Variants in PTPRD observed in about 807,000 individuals in gnomAD.
The protein encoded by PTPRD is receptor-type tyrosine-protein phosphatase delta.
A neutral mutation model predicts 214.5 loss-of-function variants in PTPRD; 34 were observed. The observed-to-expected ratio is 0.16, with a 90% CI of 0.12 to 0.21. The LOEUF (loss-of-function observed/expected upper bound fraction) is 0.21, where lower values mean the gene tolerates loss of function less well. PTPRD is among the 10% of genes least tolerant of loss of function. PTPRD has a pLI of 1.00. For synonymous variants in PTPRD, 1,128 were observed against 845.7 expected, an observed-to-expected ratio of 1.33 and a Z score of -5.79; for missense variants, 2,545 against 2,398.7, an observed-to-expected ratio of 1.06 and a Z score of -1.27.
intron 5 of PTPRD, among the ~76,000 whole-genome samples, chr9:9,813,203 A>G (rs187713577): frequency 6.6e-6 from 1 of 152,034 alleles, no homozygotes; most frequent in Non-Finnish European, 1.5e-5. Flanking sequence ...AATAATAAAG[A>G]TCTCAAATAA....
intron 12 of PTPRD, among the ~76,000 whole-genome samples, chr9:8,722,401 T>C (rs1011288749): frequency 4.6e-5 from 7 of 152,118 alleles, no homozygotes; most frequent in African/African-American, 1.7e-4. Flanking sequence ...AGAGAAAACA[T>C]TTAAGTTATG....
At position 9,613,164 on chromosome 9, in the gene PTPRD, A is replaced by G. The variant is rs1011551597; in HGVS notation, c.-286-38383T>C. ...TATATATATATATATATATATATAT[A>G]TATATATATGATTGCATCATATGAA... On this transcript the variant is annotated intron_variant, in intron 7 of 45. Coordinates refer to ENST00000381196, the MANE Select transcript of PTPRD (RefSeq NM_002839.4). Among the ~76,000 whole-genome samples the G allele has an allele frequency of 2.4e-5, 3 of 123,228 alleles. No individual in the cohort carries two copies. In the East Asian group the frequency reaches 7.0e-4, roughly 29 times the overall value. 80.8% of individuals were successfully genotyped at this position (123,228 alleles called of 152,430 possible). A position where few individuals can be genotyped will look rare whatever the true frequency, so the allele number is the denominator to read the frequency against.
chr9:10,506,526 T>A (rs985359858), intron 2 of PTPRD, among the ~76,000 whole-genome samples: 2 of 152,166 alleles, frequency 1.3e-5, no homozygotes, highest in Non-Finnish European at 2.9e-5. Context: ...AGGTGATTGG[T>A]ACCCCACTTA....
Position 10,041,548 on chromosome 9 carries a change from G to A in PTPRD, c.-544-7758C>T, listed in dbSNP as rs1281197735. 2.0e-5 allele frequency among the ~76,000 whole-genome samples: 3 copies of A among 151,576 alleles called. No individual in the cohort carries two copies. In the Admixed American group the frequency reaches 2.0e-4, roughly 10 times the overall value. On this transcript the variant is annotated intron_variant, in intron 3 of 45. Transcript: ENST00000381196. ...ATTTTCTACTGTATAAAATCAAGGA[G>A]TGGAGAAGGTGCAAAATCCTTCAAT...
chr9:10,185,616 A>G (rs2099326887), intron 3 of PTPRD, among the ~76,000 whole-genome samples: 1 of 152,166 alleles, frequency 6.6e-6, no homozygotes, highest in African/African-American at 2.4e-5. Context: ...GTGCAAGACA[A>G]CGGTTAGAAC....
At chr9:9,042,511 C>T (rs1339995566) in intron 10 of PTPRD, among the ~76,000 whole-genome samples, 2 of 152,108 alleles carry the variant, frequency 1.3e-5, no homozygotes, top group East Asian at 1.9e-4. Flanking sequence ...AAAGATGTGC[C>T]AGGCAGGGAA....
chr9:10,095,172 ATAG>A (rs1667660595), intron 3 of PTPRD, among the ~76,000 whole-genome samples: 1 of 151,488 alleles, frequency 6.6e-6, no homozygotes, highest in Non-Finnish European at 1.5e-5. Context: ...GATACCTCAA[ATAG>A]TAGAGAAATT....
intron 5 of PTPRD, among the ~76,000 whole-genome samples, chr9:9,843,877 G>C (rs1264058504): frequency 6.6e-6 from 1 of 151,986 alleles, no homozygotes; most frequent in Non-Finnish European, 1.5e-5. Flanking sequence ...ATTTTAGCCA[G>C]TTATCTTATC....
chr9:8,776,103 T>C (rs182859404), intron 11 of PTPRD, among the ~76,000 whole-genome samples: 13 of 152,262 alleles, frequency 8.5e-5, no homozygotes, highest in Middle Eastern at 3.4e-3. Context: ...CCAGAGACTA[T>C]CATAGAATTT....
chr9:10,468,978 A>C (rs940318438), intron 2 of PTPRD, among the ~76,000 whole-genome samples: 2 of 152,180 alleles, frequency 1.3e-5, no homozygotes, highest in Admixed American at 6.6e-5. Flanking sequence ...TTAGAAAAAA[A>C]GTTATCCAGA....
chr9:9,919,390 T>C (rs2081906783), intron 5 of PTPRD, among the ~76,000 whole-genome samples: 1 of 152,116 alleles, frequency 6.6e-6, no homozygotes, highest in African/African-American at 2.4e-5. Context: ...CAGGAAGGAA[T>C]GTATCTTTCA....
At chr9:10,043,940 T>G (rs922256410) in intron 3 of PTPRD, among the ~76,000 whole-genome samples, 1 of 151,884 alleles carries the variant, frequency 6.6e-6, no homozygotes, top group African/African-American at 2.4e-5. Context: ...TCTTCTATTC[T>G]GATTACTGGC....
chr9:8,399,237 A>G (rs1472026295), intron 36 of PTPRD, among the ~76,000 whole-genome samples: 1 of 152,068 alleles, frequency 6.6e-6, no homozygotes, highest in Non-Finnish European at 1.5e-5. Flanking sequence ...GGTCTTACAC[A>G]TCCTTGTTTT....
chr9:9,503,067 T>C (rs1312556791), intron 8 of PTPRD, among the ~76,000 whole-genome samples: 1 of 151,812 alleles, frequency 6.6e-6, no homozygotes, highest in Non-Finnish European at 1.5e-5. Flanking sequence ...TCACTGAAAT[T>C]TTTTGCCTTG....
chr9:10,026,926 G>A (rs2096934206), intron 4 of PTPRD, among the ~76,000 whole-genome samples: 1 of 151,168 alleles, frequency 6.6e-6, no homozygotes, highest in African/African-American at 2.4e-5. Flanking sequence ...TAAACCTGCA[G>A]TGCTTCTCAG....
At chr9:9,320,054 G>C (rs1965651430) in intron 9 of PTPRD, among the ~76,000 whole-genome samples, 2 of 152,052 alleles carry the variant, frequency 1.3e-5, no homozygotes, top group African/African-American at 4.8e-5. Context: ...TTCTGAAAAA[G>C]TACCTCATTT....
intron 11 of PTPRD, among the ~76,000 whole-genome samples, chr9:8,988,221 T>A (rs925900807): frequency 3.3e-5 from 5 of 152,102 alleles, no homozygotes; most frequent in African/African-American, 1.2e-4. Flanking sequence ...TGACTATTGG[T>A]GGCTGAGTAA....
chr9:9,504,603 T>A (rs74847158), intron 8 of PTPRD, among the ~76,000 whole-genome samples: 9 of 151,646 alleles, frequency 5.9e-5, no homozygotes, highest in African/African-American at 2.2e-4. Context: ...AAGGCAAAGA[T>A]GCCTACGCTC....
intron 11 of PTPRD, among the ~76,000 whole-genome samples, chr9:8,738,227 C>G (rs1366723191): frequency 1.3e-5 from 2 of 152,106 alleles, no homozygotes; most frequent in Non-Finnish European, 2.9e-5. Flanking sequence ...GCCTAAAAGC[C>G]TTAACAAATC....
Sources: allele counts gnomAD v4.1 joint callset (sites outside exome capture counted in the v4.1 genomes callset), GRCh38; gene constraint gnomAD v4.1.1; transcripts MANE v1.5; gene names NCBI Gene and HGNC (gene_info 2026-07-23, HGNC 2026-07-21).